Variants in TRAPPC9 observed in about 807,000 individuals in gnomAD.
TRAPPC9 encodes IKK2 binding protein.
TRAPPC9 carries 83 observed loss-of-function variants against 124.0 expected under a neutral mutation model. The ratio of observed to expected loss-of-function variants is 0.67; its 90% confidence interval spans 0.56 to 0.80. The LOEUF is 0.80. TRAPPC9 is among the 30% of genes least tolerant of loss of function. The pLI, the probability that TRAPPC9 is intolerant of heterozygous loss-of-function variation, is 0.00. For synonymous variants in TRAPPC9, 638 were observed against 617.5 expected (o/e 1.03, Z -0.49); for missense variants, 1,302 against 1,508.3 (o/e 0.86, Z 2.27).
intron 21 of TRAPPC9, among the ~76,000 whole-genome samples, chr8:139,838,228 T>TC (rs1826485675): frequency 6.6e-6 from 1 of 152,082 alleles, no homozygotes; most frequent in Non-Finnish European, 1.5e-5. Context: ...AAACATCTCC[T>TC]CCTCCAGGAG....
chr8:140,067,996 C>T (rs144871828), intron 17 of TRAPPC9, among the ~76,000 whole-genome samples: 22 of 130,852 alleles, frequency 1.7e-4, no homozygotes, highest in African/African-American at 5.9e-4. Flanking sequence ...GCAAGTAAAA[C>T]AAGCGGATTT....
chr8:140,017,990 T>TGC (rs1839578066), intron 18 of TRAPPC9, among the ~76,000 whole-genome samples: 2 of 151,814 alleles, frequency 1.3e-5, no homozygotes, highest in African/African-American at 2.4e-5. Context: ...ACTACAGGCA[T>TGC]CCACCACCAC....
intron 17 of TRAPPC9, chr8:140,095,534 A>C (rs1844880377): frequency 6.6e-6 from 1 of 152,242 alleles, no homozygotes; most frequent in Admixed American, 6.5e-5. Context: ...GCTCCCCAGA[A>C]GCCCAGCGTG....
intron 10 of TRAPPC9, among the ~76,000 whole-genome samples, chr8:140,302,294 G>T (rs371077180): frequency 7.2e-5 from 11 of 152,278 alleles, no homozygotes; most frequent in African/African-American, 2.6e-4. Context: ...ACACCCAGCA[G>T]GTGCTCCCCA....
At chr8:140,239,325 A>G (rs2063804751) in intron 16 of TRAPPC9, among the ~76,000 whole-genome samples, 1 of 152,170 alleles carries the variant, frequency 6.6e-6, no homozygotes, top group Admixed American at 6.5e-5. Flanking sequence ...ACAAAGTGTA[A>G]GAGGGCCTCA....
intron 19 of TRAPPC9, among the ~76,000 whole-genome samples, chr8:139,978,761 G>A (rs1001652109): frequency 3.3e-5 from 5 of 152,212 alleles, no homozygotes; most frequent in Admixed American, 6.5e-5. Flanking sequence ...GCACCTTCAC[G>A]GAAGTTGCCC....
chr8:140,381,852 T>TGGG, intron 7 of TRAPPC9, among the ~76,000 whole-genome samples: 1 of 152,276 alleles, frequency 6.6e-6, no homozygotes, highest in South Asian at 2.1e-4. Flanking sequence ...CAGACATTGC[T>TGGG]GGTAGAAATG....
At chr8:139,912,639 T>G (rs1472719457) in intron 19 of TRAPPC9, among the ~76,000 whole-genome samples, 1 of 152,238 alleles carries the variant, frequency 6.6e-6, no homozygotes, top group Non-Finnish European at 1.5e-5. Flanking sequence ...CTGCCAATAC[T>G]GGCGATGATC....
chr8:140,090,419 G>C (rs1844487030), intron 17 of TRAPPC9, among the ~76,000 whole-genome samples: 1 of 152,180 alleles, frequency 6.6e-6, no homozygotes, highest in Admixed American at 6.5e-5. Flanking sequence ...GGTTCAGAGT[G>C]AACCCTAAGT....
chr8:139,844,351 T>C (rs1050001416), intron 21 of TRAPPC9, among the ~76,000 whole-genome samples: 1 of 152,204 alleles, frequency 6.6e-6, no homozygotes, highest in Non-Finnish European at 1.5e-5. Context: ...CAAACCAGGG[T>C]GGCCCCCTGC....
At chr8:140,356,377 G>A (rs1198160765) in intron 9 of TRAPPC9, among the ~76,000 whole-genome samples, 2 of 152,184 alleles carry the variant, frequency 1.3e-5, no homozygotes, top group Admixed American at 6.5e-5. Context: ...CACATGTCTG[G>A]AGTGGAGACA....
intron 5 of TRAPPC9, among the ~76,000 whole-genome samples, chr8:140,410,925 A>T (rs1374777240): frequency 6.6e-6 from 1 of 152,152 alleles, no homozygotes; most frequent in East Asian, 1.9e-4. Context: ...AAAAGATTTT[A>T]AAAATCAGCA....
intron 20 of TRAPPC9, among the ~76,000 whole-genome samples, chr8:139,895,683 G>T (rs1269866157): frequency 1.3e-5 from 2 of 152,206 alleles, no homozygotes; most frequent in East Asian, 3.8e-4. Flanking sequence ...TTGAGTGTGG[G>T]CCTCACCCCG....
intron 19 of TRAPPC9, among the ~76,000 whole-genome samples, chr8:139,915,587 CA>C (rs1284859527): frequency 2.0e-5 from 3 of 152,156 alleles, no homozygotes; most frequent in Admixed American, 6.5e-5. Flanking sequence ...ATGCTGAGGA[CA>C]AGGCGTATTA....
intron 17 of TRAPPC9, among the ~76,000 whole-genome samples, chr8:140,202,272 C>G (rs920141854): frequency 4.0e-5 from 6 of 151,324 alleles, no homozygotes; most frequent in South Asian, 4.2e-4. Flanking sequence ...GACAAGTGAA[C>G]AAACAGAATA....
chr8:140,131,547 T>G (rs2061208900), intron 17 of TRAPPC9, among the ~76,000 whole-genome samples: 1 of 152,228 alleles, frequency 6.6e-6, no homozygotes, highest in Admixed American at 6.5e-5. Context: ...CCAGGCCTCC[T>G]GGCTGCCAAG....
chr8:139,763,628 A>G (rs1230741388), intron 21 of TRAPPC9, among the ~76,000 whole-genome samples: 2 of 150,356 alleles, frequency 1.3e-5, no homozygotes, highest in African/African-American at 5.0e-5. Context: ...ACACACACAC[A>G]CGTGCACACA....
chr8:140,383,423 T>G (rs555526997), intron 7 of TRAPPC9, among the ~76,000 whole-genome samples: 2 of 152,294 alleles, frequency 1.3e-5, no homozygotes, highest in East Asian at 3.9e-4. Flanking sequence ...GAAAAAAGAT[T>G]AGACAAATGG....
intron 17 of TRAPPC9, among the ~76,000 whole-genome samples, chr8:140,206,756 C>CATATATATATATATAT (rs150660269): frequency 2.7e-5 from 4 of 145,832 alleles, no homozygotes; most frequent in African/African-American, 1.0e-4. Context: ...CATATACATA[C>CATATATATATATATAT]ATATATATAT....
Sources: allele counts gnomAD v4.1 joint callset (sites outside exome capture counted in the v4.1 genomes callset), GRCh38; gene constraint gnomAD v4.1.1; transcripts MANE v1.5; gene names NCBI Gene and HGNC (gene_info 2026-07-23, HGNC 2026-07-21).